Variants in CLEC4D observed in about 807,000 individuals in gnomAD.
CLEC4D encodes C-type (calcium dependent, carbohydrate-recognition domain) lectin, superfamily member 8.
CLEC4D carries 21 observed loss-of-function variants against 21.1 expected under a neutral mutation model. That is an observed-to-expected ratio of 1.00 (90% CI 0.71 to 1.43). CLEC4D has a LOEUF of 1.43. CLEC4D is among the 40% of genes most tolerant of loss of function. CLEC4D has a pLI of 0.00. For missense variants in CLEC4D, 289 were observed against 260.7 expected, an observed-to-expected ratio of 1.11 and a Z score of -0.75; for synonymous variants, 85 against 83.1, an observed-to-expected ratio of 1.02 and a Z score of -0.12.
Position 8,521,108 on chromosome 12 carries a change from G to A in CLEC4D, c.501-16G>A. The A allele has an allele frequency of 6.2e-7, 1 of 1,610,792 alleles. No individual in the cohort carries two copies. Among genetic ancestry groups the A allele is most frequent in the Admixed American group, 1.7e-5 (1 of 59,358 alleles). ...TATATACCTATAAATCTCTATCTAT[G>A]TTGTTGTTCTTTCAGATTCTGGCAT... On this transcript the variant is annotated splice_polypyrimidine_tract_variant and intron_variant, in intron 5 of 5. Transcript: ENST00000299665.
chr12:8,519,897 C>G (rs567767969), intron 4 of CLEC4D, among the ~76,000 whole-genome samples: 1 of 152,084 alleles, frequency 6.6e-6, no homozygotes, highest in Non-Finnish European at 1.5e-5. Context: ...GAAATATGCA[C>G]GCAATTAAAG....
chr12:8,519,191 G>A, intron 4 of CLEC4D, 31 bp downstream of exon 4: 1 of 1,598,222 alleles, frequency 6.3e-7, no homozygotes, highest in Non-Finnish European at 8.5e-7. Flanking sequence ...CAGTTTCTCT[G>A]CTGCTTTGAA....
In CLEC4D at chr12:8,513,621, G is replaced by T; in HGVS notation, c.-112G>T. ...ACTACAATATGTAACATTGGTGTTC[G>T]ATCTCAAGTATTTCTGAATATATTC... On this transcript the variant is annotated 5_prime_UTR_variant, in exon 1 of 6. Transcript: ENST00000299665. 3.2e-6 allele frequency: 2 copies of T among 634,048 alleles called. No individual in the cohort carries two copies. Among genetic ancestry groups the T allele is most frequent in the South Asian group, 4.4e-5 (2 of 45,460 alleles). The allele number at this position is 634,048 out of a possible 1,614,324, so 39.3% of individuals were successfully genotyped here.
At chr12:8,528,116 A>G in the CLEC4D span, among the ~76,000 whole-genome samples, 2 of 152,142 alleles carry the variant, frequency 1.3e-5, no homozygotes, top group Non-Finnish European at 2.9e-5. Flanking sequence ...TCAAAACACC[A>G]CTGACTGAGA....
chr12:8,513,995 G>T (rs1047316563), intron 1 of CLEC4D, among the ~76,000 whole-genome samples: 7 of 151,828 alleles, frequency 4.6e-5, no homozygotes, highest in Admixed American at 6.6e-5. Flanking sequence ...ATATAAAAGA[G>T]AAATAAGATG....
At position 8,521,457 on chromosome 12, in the gene CLEC4D, T is replaced by C. The variant is rs1476977669; in HGVS notation, c.*186T>C. 3 of 1,246,342 alleles carry C rather than the reference T, an allele frequency of 2.4e-6. No individual in the cohort carries two copies. Among genetic ancestry groups the C allele is most frequent in the East Asian group, 5.6e-5 (2 of 35,886 alleles). 77.2% of individuals were successfully genotyped at this position (1,246,342 alleles called of 1,614,324 possible). ...ATGTGTGTATGTGTGTGTGTGTGTG[T>C]GTAGATAATGTGGTTTTTGTATGGT... On this transcript the variant is annotated 3_prime_UTR_variant, in exon 6 of 6. Transcript: ENST00000299665.
chr12:8,529,107 CT>C, the CLEC4D span, among the ~76,000 whole-genome samples: 2 of 151,952 alleles, frequency 1.3e-5, no homozygotes, highest in Non-Finnish European at 2.9e-5. Context: ...AAAATATTTT[CT>C]TTTTTAATAA....
At chr12:8,517,927 C>CA (rs1940403271) in intron 2 of CLEC4D, among the ~76,000 whole-genome samples, 1 of 151,932 alleles carries the variant, frequency 6.6e-6, no homozygotes, top group African/African-American at 2.4e-5. Flanking sequence ...GCCTGGGTGA[C>CA]AGAGCGAGAC....
In CLEC4D at chr12:8,518,273, A is replaced by G. The variant is rs768155447; in HGVS notation, c.231A>G (p.Glu77=). 2 of 1,075,832 alleles carry G rather than the reference A, an allele frequency of 1.9e-6. No homozygotes were observed. The highest frequency in any genetic ancestry group is 4.0e-4 in the Middle Eastern group (2 of 5,052). The allele number at this position is 1,075,832 out of a possible 1,614,324, so 66.6% of individuals were successfully genotyped here. A position where few individuals can be genotyped will look rare whatever the true frequency, so the allele number is the denominator to read the frequency against. The change falls in exon 3 of 6, where the codon GAA becomes GAG. Residue 77 remains glutamate, a splice_region_variant and synonymous_variant. Transcript: ENST00000299665. ...AGAAATCAGAACTGAAAAGTGCTGA[A>G]GGTACAGAGTGTAAGATAATTTCTT... is the stretch of plus-strand genomic sequence containing the variant. ...IKEKSELKSA[E]GSTWNCCPID... is the part of the protein sequence containing the mutation.
chr12:8,527,189 A>G (rs774550192), downstream of CLEC4D, among the ~76,000 whole-genome samples: 1 of 152,170 alleles, frequency 6.6e-6, no homozygotes, highest in South Asian at 2.1e-4. Flanking sequence ...CACAGGGAGT[A>G]GGACCTGATT....
chr12:8,515,190 C>A (rs369368864), intron 1 of CLEC4D, 46 bp from the exon 2 acceptor site: 120 of 914,288 alleles, frequency 1.3e-4, no homozygotes, highest in Non-Finnish European at 2.0e-4. Flanking sequence ...GCTTTCCTAG[C>A]TTGTAGCTGA....
chr12:8,519,698 A>G (rs1179279195), intron 4 of CLEC4D, among the ~76,000 whole-genome samples: 1 of 152,236 alleles, frequency 6.6e-6, no homozygotes, highest in Non-Finnish European at 1.5e-5. Flanking sequence ...TATGGATCTA[A>G]TGATAAGTAA....
At chr12:8,520,104 T>A (rs1940438691) in intron 4 of CLEC4D, 122 bp from the exon 5 acceptor site, 2 of 1,417,400 alleles carry the variant, frequency 1.4e-6, no homozygotes, top group South Asian at 2.9e-5. Flanking sequence ...TGAAAACAGA[T>A]CTATCTGATG....
Position 8,520,351 on chromosome 12 carries a change from T to C in CLEC4D, c.500+10T>C, listed in dbSNP as rs1172846871. 3 of 1,611,972 alleles carry C rather than the reference T, an allele frequency of 1.9e-6. No homozygotes were observed. The highest frequency in any genetic ancestry group is 2.5e-6 in the Non-Finnish European group (3 of 1,178,536). ...TTAACCCACGCAGAGTGTAAGTATA[T>C]TGAGTGGGCTAAGGGGATTTATAAG... On this transcript the variant is annotated intron_variant, in intron 5 of 5. Transcript: ENST00000299665.
Position 8,521,168 on chromosome 12 carries a change from G to A in CLEC4D, c.545G>A (p.Cys182Tyr). ...NEPDNSQGENCVVLVYNQDKW... is the reference protein window; with the variant it reads ...NEPDNSQGENYVVLVYNQDKW... The stretch of plus-strand genomic sequence containing the variant: ...CCCGACAACTCTCAGGGAGAAAACT[G>A]TGTTGTTCTTGTTTATAACCAAGAT... The change falls in exon 6 of 6, where the codon TGT becomes TAT. Residue 182 changes from cysteine (C) to tyrosine (Y), a missense_variant. By Grantham distance (194) the Cys-to-Tyr change is radical (BLOSUM62 -2). Transcript: ENST00000299665. 1 of 1,613,560 alleles carries A rather than the reference G, an allele frequency of 6.2e-7. No homozygotes were observed. Among genetic ancestry groups the A allele is most frequent in the Non-Finnish European group, 8.5e-7 (1 of 1,179,654 alleles).
chr12:8,521,328 G>A lies in CLEC4D; in HGVS notation c.*57G>A. 1 of 1,566,248 alleles carries A rather than the reference G, an allele frequency of 6.4e-7. No homozygotes were observed. The highest frequency in any genetic ancestry group is 2.3e-5 in the East Asian group (1 of 44,416). On this transcript the variant is annotated 3_prime_UTR_variant, in exon 6 of 6. Coordinates refer to ENST00000299665, the MANE Select transcript of CLEC4D (RefSeq NM_080387.5). ...AGAAAAGAAAAACCAATTAGAATAAGGCAGAATGTACGTGCGTCATTGGAA... is the reference window on the plus strand; with the variant it reads ...AGAAAAGAAAAACCAATTAGAATAAAGCAGAATGTACGTGCGTCATTGGAA...
Position 8,519,001 on chromosome 12 carries a change from C to T in CLEC4D, c.233-8C>T. On this transcript the variant is annotated splice_region_variant and splice_polypyrimidine_tract_variant and intron_variant, in intron 3 of 5. Transcript: ENST00000299665. Reference sequence around the variant, plus strand: ...TGTTACCAATTTCCGTTTTAATTTTCACTTGAGGGAGCACCTGGAACTGTT... The same window carrying T: ...TGTTACCAATTTCCGTTTTAATTTTTACTTGAGGGAGCACCTGGAACTGTT... 1 of 1,609,488 alleles carries T rather than the reference C, an allele frequency of 6.2e-7. No homozygotes were observed. Among genetic ancestry groups the T allele is most frequent in the Non-Finnish European group, 8.5e-7 (1 of 1,178,412 alleles).
At chr12:8,516,417 T>G (rs1458163424) in intron 2 of CLEC4D, among the ~76,000 whole-genome samples, 1 of 152,164 alleles carries the variant, frequency 6.6e-6, no homozygotes, top group Non-Finnish European at 1.5e-5. Flanking sequence ...GGAAAAATAC[T>G]TACAATAAAA....
chr12:8,523,118 A>G (rs1417827990), downstream of CLEC4D, among the ~76,000 whole-genome samples: 2 of 152,178 alleles, frequency 1.3e-5, no homozygotes, highest in Non-Finnish European at 2.9e-5. Flanking sequence ...TATAGTTTGA[A>G]GTCAGGTAGC....
Sources: allele counts gnomAD v4.1 joint callset (sites outside exome capture counted in the v4.1 genomes callset), GRCh38; gene constraint gnomAD v4.1.1; transcripts MANE v1.5; gene names NCBI Gene and HGNC (gene_info 2026-07-23, HGNC 2026-07-21).